Variants in REPS1 observed in about 807,000 individuals in gnomAD.
REPS1 encodes ralBP1-associated Eps domain-containing protein 1.
REPS1 carries 39 observed loss-of-function variants against 100.9 expected under a neutral mutation model. That is an observed-to-expected ratio of 0.39 (90% CI 0.30 to 0.50). The LOEUF (loss-of-function observed/expected upper bound fraction) is 0.50. Among genes scored for constraint, REPS1 ranks in the 20% least tolerant of loss-of-function variants. The probability of loss-of-function intolerance (pLI) is 0.86; values close to 1 mark genes in which losing one functional copy is unlikely to be tolerated. For missense variants in REPS1, 821 were observed against 968.5 expected, an observed-to-expected ratio of 0.85 and a Z score of 2.02; for synonymous variants, 324 against 340.3, an observed-to-expected ratio of 0.95 and a Z score of 0.53.
chr6:138,957,139 T>C (rs567935961), intron 1 of REPS1, among the ~76,000 whole-genome samples: 1 of 152,242 alleles, frequency 6.6e-6, no homozygotes, highest in South Asian at 2.1e-4. Context: ...TAAGAGATTT[T>C]GCCCAAAGCT....
At chr6:138,921,988 T>TGTGTGTGTGTGTGTGC (rs1254244654) in intron 10 of REPS1, among the ~76,000 whole-genome samples, 11 of 151,948 alleles carry the variant, frequency 7.2e-5, no homozygotes, top group Admixed American at 4.6e-4. Flanking sequence ...TGTGTGTGTG[T>TGTGTGTGTGTGTGTGC]GTGTGTGTGT....
chr6:138,943,963 C>A lies in REPS1; in HGVS notation c.806G>T (p.Arg269Leu). ...VASATTAIEI[R>L]RQSSSYDDPW... is the part of the protein sequence containing the mutation. Reference sequence around the variant, plus strand: ...ATCATCATAACTACTGGATTGCCTACGAATTTCAATGGCAGTTGTAGCTGA... The same window carrying A: ...ATCATCATAACTACTGGATTGCCTAAGAATTTCAATGGCAGTTGTAGCTGA... Residue 269 changes from arginine to leucine, a missense_variant, in exon 6 of 20, where the codon CGT (arginine) becomes CTT (leucine). By Grantham distance (102) the Arg-to-Leu change is moderately radical (BLOSUM62 -2). Coordinates refer to ENST00000450536, the MANE Select transcript of REPS1 (RefSeq NM_001286611.2). 1 of 1,613,778 alleles carries A rather than the reference C, an allele frequency of 6.2e-7. No individual in the cohort carries two copies. The highest frequency in any genetic ancestry group is 8.5e-7 in the Non-Finnish European group (1 of 1,179,786).
chr6:138,959,801 A>C (rs1040513964), intron 1 of REPS1, among the ~76,000 whole-genome samples: 19 of 152,342 alleles, frequency 1.2e-4, no homozygotes, highest in African/African-American at 3.1e-4. Flanking sequence ...AATTATAGCA[A>C]ATACCTATTA....
At chr6:138,917,257 A>G (rs1156358926) in intron 13 of REPS1, among the ~76,000 whole-genome samples, 1 of 152,202 alleles carries the variant, frequency 6.6e-6, no homozygotes, top group Non-Finnish European at 1.5e-5. Flanking sequence ...AAGGCTATAC[A>G]TGTATTACTT....
intron 8 of REPS1, among the ~76,000 whole-genome samples, chr6:138,931,882 T>A (rs948020001): frequency 1.3e-5 from 2 of 152,150 alleles, no homozygotes; most frequent in Non-Finnish European, 2.9e-5. Flanking sequence ...AATAAAGAAG[T>A]ATCTTCAAGG....
At chr6:138,956,679 GCTATA>G (rs1193487564) in intron 1 of REPS1, among the ~76,000 whole-genome samples, 1 of 151,914 alleles carries the variant, frequency 6.6e-6, no homozygotes, top group African/African-American at 2.4e-5. Flanking sequence ...AAAAAGATAA[GCTATA>G]CCCAAGTACA....
At chr6:138,928,488 C>T (rs1386362790) in intron 9 of REPS1, 1 of 149,608 alleles carries the variant, frequency 6.7e-6, no homozygotes, top group African/African-American at 2.4e-5. Flanking sequence ...TTTGATTTTT[C>T]ACATATCGAA....
chr6:138,951,916 T>G (rs1457382769), intron 1 of REPS1, among the ~76,000 whole-genome samples: 2 of 152,212 alleles, frequency 1.3e-5, no homozygotes, highest in Non-Finnish European at 2.9e-5. Context: ...CATATTTGTA[T>G]GCAGTTCACT....
chr6:138,931,994 C>G (rs938724393), intron 8 of REPS1, among the ~76,000 whole-genome samples: 1 of 152,154 alleles, frequency 6.6e-6, no homozygotes, highest in Admixed American at 6.5e-5. Flanking sequence ...AAGCAAGACT[C>G]TATTACTTTA....
intron 13 of REPS1, 63 bp downstream of exon 13, chr6:138,917,492 A>C: frequency 2.4e-6 from 3 of 1,244,962 alleles, no homozygotes; most frequent in Non-Finnish European, 3.5e-6. Context: ...GGTTCTAAAT[A>C]GTTTTAAACA....
intron 1 of REPS1, among the ~76,000 whole-genome samples, chr6:138,970,450 AAT>A (rs200790876): frequency 0.015 from 1,715 of 114,990 alleles, 23 homozygotes; most frequent in Middle Eastern, 0.022. Context: ...GAACTTTAAG[AAT>A]ATCTTAAAAA....
chr6:138,962,520 CATT>C (rs1286068645), intron 1 of REPS1, among the ~76,000 whole-genome samples: 2 of 152,080 alleles, frequency 1.3e-5, no homozygotes, highest in African/African-American at 4.8e-5. Flanking sequence ...CTAAAAAATA[CATT>C]ATCTCATCCT....
At chr6:138,913,223 G>A (rs1375805106) in intron 15 of REPS1, among the ~76,000 whole-genome samples, 1 of 152,004 alleles carries the variant, frequency 6.6e-6, no homozygotes, top group East Asian at 1.9e-4. Context: ...GTACAATGAA[G>A]GAGAGGGTAG....
intron 8 of REPS1, among the ~76,000 whole-genome samples, chr6:138,940,156 T>C (rs4895549): frequency 0.014 from 2,084 of 152,330 alleles, 28 homozygotes; most frequent in Admixed American, 0.045. Flanking sequence ...TTCATGCATC[T>C]GATTCCTTCT....
At chr6:138,916,219 T>A in intron 13 of REPS1, 2 of 71,944 alleles carry the variant, frequency 2.8e-5, no homozygotes, top group East Asian at 3.5e-4. Context: ...TCTTTTTTTC[T>A]TTTTTTTTTT....
chr6:138,943,872 A>G lies in REPS1; in HGVS notation c.897T>C (p.Asp299=). 3 of 1,613,470 alleles carry G rather than the reference A, an allele frequency of 1.9e-6. No individual in the cohort carries two copies. The highest frequency in any genetic ancestry group is 4.5e-5 in the East Asian group (2 of 44,822). ...YVNQFKTIQP[D]LNGFIPGSAA... ...ACTCACCTGGAATAAATCCGTTTAG[A>G]TCAGGCTGAATGGTTTTAAACTGAT... is the stretch of plus-strand genomic sequence containing the variant. The change falls in exon 6 of 20, where the codon GAT becomes GAC. Residue 299 remains aspartate (D), a synonymous_variant. Transcript: ENST00000450536.
chr6:138,940,480 C>T (rs1782163692), intron 8 of REPS1, among the ~76,000 whole-genome samples: 1 of 152,078 alleles, frequency 6.6e-6, no homozygotes, highest in Non-Finnish European at 1.5e-5. Context: ...GGCATGGTGG[C>T]TCACGCCTGT....
At chr6:138,946,274 T>TAC (rs2308005) in intron 2 of REPS1, among the ~76,000 whole-genome samples, 93,469 of 151,774 alleles carry the variant, frequency 0.62, 29,126 homozygotes, top group Non-Finnish European at 0.66. Context: ...AAAAATATGG[T>TAC]AGAGTATTCT....
intron 1 of REPS1, among the ~76,000 whole-genome samples, chr6:138,960,721 C>G (rs1302252011): frequency 6.6e-6 from 1 of 152,086 alleles, no homozygotes; most frequent in African/African-American, 2.4e-5. Flanking sequence ...TTCTTCGATA[C>G]TACATCAAAA....
Sources: gnomAD v4.1 joint callset for allele counts (sites outside exome capture counted in the v4.1 genomes callset) on GRCh38, gnomAD v4.1.1 for gene constraint, MANE v1.5 for transcripts, NCBI Gene and HGNC (gene_info 2026-07-23, HGNC 2026-07-21) for gene names.